Variants in PTBP3 observed in about 807,000 individuals in gnomAD.
The protein encoded by PTBP3 is polypyrimidine tract-binding protein 3.
A neutral mutation model predicts 58.7 loss-of-function variants in PTBP3; 20 were observed. That is an observed-to-expected ratio of 0.34 (90% CI 0.24 to 0.50). The LOEUF (loss-of-function observed/expected upper bound fraction) is 0.50, where lower values mean the gene tolerates loss of function less well. Among genes scored for constraint, PTBP3 ranks in the 20% least tolerant of loss-of-function variants. The pLI is 0.98. For missense variants in PTBP3, 509 were observed against 637.2 expected (o/e 0.80, Z 2.17); for synonymous variants, 185 against 219.8 (o/e 0.84, Z 1.40).
At chr9:112,355,631 T>C in the PTBP3 span, among the ~76,000 whole-genome samples, 1 of 150,304 alleles carries the variant, frequency 6.7e-6, no homozygotes, top group African/African-American at 2.4e-5. Context: ...CTTTTTTTTT[T>C]TTTTTTTTTT....
chr9:112,311,103 T>C (rs1829454841), intron 1 of PTBP3, among the ~76,000 whole-genome samples: 1 of 152,208 alleles, frequency 6.6e-6, no homozygotes, highest in African/African-American at 2.4e-5. Context: ...AGAACAGTCT[T>C]TAACAAGACA....
At chr9:112,239,910 G>A (rs1835587841) in intron 7 of PTBP3, among the ~76,000 whole-genome samples, 1 of 146,886 alleles carries the variant, frequency 6.8e-6, no homozygotes, top group Non-Finnish European at 1.5e-5. Context: ...GGAGAATTCT[G>A]AGGAAGACCT....
chr9:112,230,364 T>C (rs1589798183), intron 10 of PTBP3, among the ~76,000 whole-genome samples: 1 of 118,302 alleles, frequency 8.5e-6, no homozygotes, highest in Non-Finnish European at 1.7e-5. Context: ...CAGTTTTCTA[T>C]CTTATTTTAA....
rs112460606 is a variant in PTBP3 at position 112,275,297 on chromosome 9, G to A, written c.204+547C>T. ...ATTACAGGCATGTGACACCTCACCC[G>A]GCTAATTTTGTATTTTTAGTAGAGA... On this transcript the variant is annotated intron_variant, in intron 3 of 13. Coordinates refer to ENST00000374257, the MANE Select transcript of PTBP3 (RefSeq NM_001163788.4). Among the ~76,000 whole-genome samples the A allele has an allele frequency of 8.7e-3, 1,320 of 152,100 alleles. 22 individuals are homozygous for A. The highest frequency in any genetic ancestry group is 0.03 in the African/African-American group (1,253 of 41,474).
At chr9:112,252,871 T>C in intron 5 of PTBP3, 83 bp from the exon 6 acceptor site, 2 of 829,788 alleles carry the variant, frequency 2.4e-6, no homozygotes, top group East Asian at 2.7e-5. Context: ...TGTTCATAAA[T>C]CCTTTTAAAT....
the PTBP3 span, among the ~76,000 whole-genome samples, chr9:112,356,057 TTC>T: frequency 2.0e-4 from 29 of 148,150 alleles, no homozygotes; most frequent in East Asian, 7.8e-4. Context: ...CTCCCTCCCT[TTC>T]TCTCTCTCTC....
the PTBP3 span, among the ~76,000 whole-genome samples, chr9:112,341,478 TTTTG>T: frequency 6.6e-6 from 1 of 151,976 alleles, no homozygotes; most frequent in African/African-American, 2.4e-5. Flanking sequence ...AGAAAAGTGT[TTTTG>T]TTTTTCGTTG....
At chr9:112,244,485 G>A (rs1835799791) in intron 7 of PTBP3, among the ~76,000 whole-genome samples, 2 of 151,284 alleles carry the variant, frequency 1.3e-5, no homozygotes, top group South Asian at 4.2e-4. Context: ...ACCAATCTAG[G>A]TAATACAGAG....
At chr9:112,333,119 G>A (rs1380740366) in intron 1 of PTBP3, 34 of 1,261,588 alleles carry the variant, frequency 2.7e-5, no homozygotes, top group East Asian at 6.5e-5. Flanking sequence ...CTGAGAGGAA[G>A]TGTCGGGAGG....
intron 1 of PTBP3, among the ~76,000 whole-genome samples, chr9:112,332,396 A>G (rs1334865911): frequency 2.6e-5 from 4 of 152,232 alleles, no homozygotes; most frequent in African/African-American, 4.8e-5. Flanking sequence ...TTCAAATAGC[A>G]TATCATCAAC....
In PTBP3 at chr9:112,262,124, G is replaced by A. The variant is rs183198283; in HGVS notation, c.516+311C>T. On this transcript the variant is annotated intron_variant, in intron 5 of 13. Coordinates refer to ENST00000374257, the MANE Select transcript of PTBP3 (RefSeq NM_001163788.4). ...CAGAAATAAATTAGTTGTACTCAAC[G>A]GTGACATTACTTTCTAAGGAACAAC... Among the ~76,000 whole-genome samples the A allele has an allele frequency of 5.1e-3, 782 of 152,050 alleles. 2 individuals are homozygous for A. The highest frequency in any genetic ancestry group is 7.7e-3 in the Non-Finnish European group (521 of 67,972).
At chr9:112,302,391 T>G (rs1828974494) in intron 1 of PTBP3, among the ~76,000 whole-genome samples, 1 of 44,056 alleles carries the variant, frequency 2.3e-5, no homozygotes, top group African/African-American at 1.6e-4. Flanking sequence ...TCCAAACAAG[T>G]TACCTGCTGT....
At chr9:112,309,892 GTT>G (rs1228428112) in intron 1 of PTBP3, among the ~76,000 whole-genome samples, 19 of 152,144 alleles carry the variant, frequency 1.2e-4, no homozygotes, top group Admixed American at 1.2e-3. Context: ...AACTCCAAGG[GTT>G]TTGTTTTGTT....
rs576127622 is a variant in PTBP3 at position 112,332,489 on chromosome 9, G to A, written c.-52+981C>T. ...CCTCACAGAAATCTTGTCATCAAAAGTAGGTAACAAGCTAAAAAAAACCTC... is the reference window on the plus strand; with the variant it reads ...CCTCACAGAAATCTTGTCATCAAAAATAGGTAACAAGCTAAAAAAAACCTC... On this transcript the variant is annotated intron_variant, in intron 1 of 13. Coordinates refer to ENST00000374257, the MANE Select transcript of PTBP3 (RefSeq NM_001163788.4). 3.3e-5 allele frequency among the ~76,000 whole-genome samples: 5 copies of A among 152,208 alleles called. No individual in the cohort carries two copies. The South Asian group carries it at 8.3e-4, about 25-fold the overall frequency.
chr9:112,305,207 C>G (rs749297568), intron 1 of PTBP3, among the ~76,000 whole-genome samples: 5 of 151,692 alleles, frequency 3.3e-5, no homozygotes, highest in Non-Finnish European at 5.9e-5. Context: ...GGCTTTTGCC[C>G]TTTCCTTCCT....
intron 2 of PTBP3, among the ~76,000 whole-genome samples, chr9:112,289,686 G>A (rs1828291261): frequency 6.6e-6 from 1 of 152,264 alleles, no homozygotes; most frequent in African/African-American, 2.4e-5. Context: ...AGAGGCTGGG[G>A]TGGGAGGATC....
intron 7 of PTBP3, among the ~76,000 whole-genome samples, chr9:112,241,689 T>C (rs1326015281): frequency 6.6e-6 from 1 of 152,200 alleles, no homozygotes; most frequent in South Asian, 2.1e-4. Context: ...TCAGAACGTA[T>C]CCCTGTGGTT....
intron 1 of PTBP3, among the ~76,000 whole-genome samples, chr9:112,320,072 A>G (rs925286386): frequency 3.9e-5 from 6 of 151,974 alleles, no homozygotes; most frequent in East Asian, 1.9e-4. Flanking sequence ...GTTAGCAGAA[A>G]TAAGTTCGAG....
intron 2 of PTBP3, among the ~76,000 whole-genome samples, chr9:112,287,187 A>G (rs1288262061): frequency 1.5e-4 from 6 of 40,744 alleles, no homozygotes; most frequent in East Asian, 4.4e-4. Flanking sequence ...TGTTTTCCAC[A>G]TATATGAAGA....
Sources: gnomAD v4.1 joint callset for allele counts (sites outside exome capture counted in the v4.1 genomes callset) on GRCh38, gnomAD v4.1.1 for gene constraint, MANE v1.5 for transcripts, NCBI Gene and HGNC (gene_info 2026-07-23, HGNC 2026-07-21) for gene names.